MAN2B2: variants seen among roughly 807,000 people sequenced by gnomAD.
MAN2B2 encodes epididymis-specific alpha-mannosidase.
Under a neutral mutation model 117.1 loss-of-function variants are expected in MAN2B2, and 106 were observed. That is an observed-to-expected ratio of 0.90 (90% confidence interval 0.77 to 1.06). MAN2B2 has a LOEUF of 1.06. MAN2B2 is among the 50% of genes least tolerant of loss of function. MAN2B2 has a pLI of 0.00. For missense variants in MAN2B2, 1,326 were observed against 1,381.4 expected (o/e 0.96, Z 0.64); for synonymous variants, 544 against 595.1 (o/e 0.91, Z 1.25).
At position 6,617,386 on chromosome 4, in the gene MAN2B2, G is replaced by A. The variant is rs148314636; in HGVS notation, c.2708G>A (p.Arg903Gln). The A allele has an allele frequency of 5.0e-4, 803 of 1,613,822 alleles. 3 individuals carry two copies. In the African/African-American group the frequency reaches 9.2e-3, roughly 19 times the overall value. Residue 903 changes from arginine to glutamine, a missense_variant, in exon 17 of 19, where the codon CGA becomes CAA. By Grantham distance (43) the Arg-to-Gln change is conservative. Transcript: ENST00000285599. ...EHSQNLRKGH[R>Q]GEAQADLRRV... ...CTTCCTTCTGTCCCCAAAGGCCATC[G>A]AGGGGAAGCCCAGGCTGACCTCCGC...
rs1393440020 is a variant in MAN2B2 at position 6,621,399 on chromosome 4, A to T, written c.*114A>T. 1 of 753,222 alleles carries T rather than the reference A, an allele frequency of 1.3e-6. No individual in the cohort carries two copies. Among genetic ancestry groups the T allele is most frequent in the African/African-American group, 1.8e-5 (1 of 56,040 alleles). 46.7% of individuals were successfully genotyped at this position (753,222 alleles called of 1,614,324 possible). A position where few individuals can be genotyped will look rare whatever the true frequency, so the allele number is the denominator to read the frequency against. On this transcript the variant is annotated 3_prime_UTR_variant, in exon 19 of 19. Coordinates refer to ENST00000285599, the MANE Select transcript of MAN2B2 (RefSeq NM_015274.3). ...GATGGGACTGGGGAGTCAGCTGCTC[A>T]TCTGCAGGCTAATGGCAGGAAATGG...
intron 10 of MAN2B2, 120 bp from the exon 11 acceptor site, chr4:6,604,935 G>A: frequency 8.3e-7 from 1 of 1,210,370 alleles, no homozygotes; most frequent in Non-Finnish European, 1.2e-6. Context: ...GGGGCAGGGA[G>A]GAGAAATCGG....
intron 4 of MAN2B2, among the ~76,000 whole-genome samples, chr4:6,588,103 G>A (rs925700497): frequency 2.6e-5 from 4 of 152,058 alleles, no homozygotes; most frequent in Non-Finnish European, 4.4e-5. Flanking sequence ...CTTATGGGAC[G>A]GTGTCATCAT....
chr4:6,580,453 C>T (rs1726382424), intron 3 of MAN2B2, among the ~76,000 whole-genome samples: 1 of 152,230 alleles, frequency 6.6e-6, no homozygotes, highest in Non-Finnish European at 1.5e-5. Context: ...CCTTCACAAG[C>T]CCACTGCCAG....
intron 17 of MAN2B2, chr4:6,617,695 A>G (rs1425864504): frequency 2.1e-6 from 2 of 943,490 alleles, no homozygotes; most frequent in African/African-American, 3.3e-5. Context: ...TTTTGTGTAT[A>G]TGTGAGACAG....
chr4:6,601,228 G>C (rs1727316222), intron 10 of MAN2B2, among the ~76,000 whole-genome samples: 1 of 152,222 alleles, frequency 6.6e-6, no homozygotes, highest in Admixed American at 6.5e-5. Flanking sequence ...AACTGGCTGG[G>C]TGTGGTGGCT....
At chr4:6,616,639 G>A (rs1442409793) in intron 16 of MAN2B2, among the ~76,000 whole-genome samples, 2 of 152,166 alleles carry the variant, frequency 1.3e-5, no homozygotes, top group African/African-American at 4.8e-5. Flanking sequence ...GGCCACAGAG[G>A]CCACGCAGCC....
chr4:6,593,897 G>A (rs956839884), intron 6 of MAN2B2, among the ~76,000 whole-genome samples: 18 of 152,306 alleles, frequency 1.2e-4, no homozygotes, highest in African/African-American at 4.1e-4. Flanking sequence ...AAGGCCCAGA[G>A]AGGTTAAGGA....
intron 16 of MAN2B2, among the ~76,000 whole-genome samples, chr4:6,615,843 G>A (rs966062347): frequency 6.6e-6 from 1 of 151,602 alleles, no homozygotes; most frequent in African/African-American, 2.4e-5. Flanking sequence ...TCAATCTGTT[G>A]CCCAGGCTGG....
intron 3 of MAN2B2, among the ~76,000 whole-genome samples, chr4:6,579,570 CACT>C (rs1285624961): frequency 8.6e-5 from 13 of 150,416 alleles, no homozygotes; most frequent in African/African-American, 3.2e-4. Flanking sequence ...CCATTACTAC[CACT>C]ACCATCACCA....
intron 3 of MAN2B2, among the ~76,000 whole-genome samples, chr4:6,583,405 CAAG>C (rs1726515576): frequency 2.0e-5 from 3 of 152,230 alleles, no homozygotes; most frequent in African/African-American, 7.2e-5. Context: ...CTGCTAAAAC[CAAG>C]AAGGAGTGTG....
intron 1 of MAN2B2, 129 bp from the exon 2 acceptor site, chr4:6,576,449 G>T: frequency 1.9e-6 from 2 of 1,071,576 alleles, no homozygotes; most frequent in Non-Finnish European, 2.7e-6. Flanking sequence ...TAGCTGTGTG[G>T]GGGGTGAGCA....
intron 1 of MAN2B2, 91 bp downstream of exon 1, chr4:6,575,439 T>A (rs1201256932): frequency 9.6e-7 from 1 of 1,037,282 alleles, no homozygotes; most frequent in Non-Finnish European, 1.3e-6. Flanking sequence ...CGGGGCCCGA[T>A]GCCGGCGCAG....
intron 3 of MAN2B2, among the ~76,000 whole-genome samples, chr4:6,584,580 A>G (rs1726560704): frequency 6.6e-6 from 1 of 152,230 alleles, no homozygotes; most frequent in Non-Finnish European, 1.5e-5. Context: ...AGACAAAGAA[A>G]ACATTTGCCT....
At chr4:6,575,824 AGGG>A (rs904098089) in intron 1 of MAN2B2, among the ~76,000 whole-genome samples, 46 of 152,228 alleles carry the variant, frequency 3.0e-4, no homozygotes, top group African/African-American at 1.1e-3. Context: ...ACCTTGGGCG[AGGG>A]GCTTTGGTCC....
At chr4:6,596,218 A>AGG (rs1727081416) in intron 7 of MAN2B2, among the ~76,000 whole-genome samples, 1 of 150,222 alleles carries the variant, frequency 6.7e-6, no homozygotes, top group African/African-American at 2.5e-5. Flanking sequence ...CCAGGCGGGC[A>AGG]TGGTATCGTG....
intron 11 of MAN2B2, among the ~76,000 whole-genome samples, chr4:6,607,494 C>G (rs551388488): frequency 6.6e-6 from 1 of 152,346 alleles, no homozygotes; most frequent in East Asian, 1.9e-4. Context: ...CTTGAGCCAC[C>G]ATGCCCAACC....
chr4:6,583,616 C>T (rs1412999842), intron 3 of MAN2B2, among the ~76,000 whole-genome samples: 1 of 152,152 alleles, frequency 6.6e-6, no homozygotes, highest in African/African-American at 2.4e-5. Context: ...CAGTTCTTGC[C>T]TCCTCGGAAG....
intron 3 of MAN2B2, among the ~76,000 whole-genome samples, chr4:6,585,460 G>A (rs887806127): frequency 2.0e-5 from 3 of 152,206 alleles, no homozygotes; most frequent in Non-Finnish European, 4.4e-5. Flanking sequence ...CCTTATACAA[G>A]TCTGGGGTTT....
Sources: allele counts gnomAD v4.1 joint callset (sites outside exome capture counted in the v4.1 genomes callset), GRCh38; gene constraint gnomAD v4.1.1; transcripts MANE v1.5; gene names NCBI Gene and HGNC (gene_info 2026-07-23, HGNC 2026-07-21).